Variants in BIRC3 observed in about 807,000 individuals in gnomAD.
The protein encoded by BIRC3 is baculoviral IAP repeat containing 3, also known as baculoviral IAP repeat-containing protein 3.
A neutral mutation model predicts 59.0 loss-of-function variants in BIRC3; 26 were observed. The ratio of observed to expected loss-of-function variants is 0.44; its 90% CI spans 0.32 to 0.61. The LOEUF (loss-of-function observed/expected upper bound fraction) is 0.61. Among genes scored for constraint, BIRC3 ranks in the 20% least tolerant of loss-of-function variants. The pLI is 0.04. For synonymous variants in BIRC3, 243 were observed against 249.2 expected, an observed-to-expected ratio of 0.98 and a Z score of 0.24; for missense variants, 641 against 711.5, an observed-to-expected ratio of 0.90 and a Z score of 1.13.
chr11:102,336,730 A>T, intron 7 of BIRC3, 30 bp from the exon 8 acceptor site: 1 of 1,587,592 alleles, frequency 6.3e-7, no homozygotes, highest in East Asian at 2.2e-5. Context: ...CTTATTTGTC[A>T]TAGTAATGCT....
At position 102,324,357 on chromosome 11, in the gene BIRC3, A is replaced by G. The variant is rs1951060238; in HGVS notation, c.-153A>G. 3 of 778,468 alleles carry G rather than the reference A, an allele frequency of 3.9e-6. No individual in the cohort carries two copies. The highest frequency in any genetic ancestry group is 6.7e-5 in the Admixed American group (2 of 29,932). 48.2% of individuals were successfully genotyped at this position (778,468 alleles called of 1,614,324 possible). Reference sequence around the variant, plus strand: ...TATCAGTATAGGATTTAGAATCTCCATGTTGAAACTCTAAATGCATAGAAA... The same window carrying G: ...TATCAGTATAGGATTTAGAATCTCCGTGTTGAAACTCTAAATGCATAGAAA... On this transcript the variant is annotated 5_prime_UTR_variant, in exon 2 of 9. The change abolishes an upstream ATG in the 5' untranslated region. Transcript: ENST00000263464.
intron 1 of BIRC3, among the ~76,000 whole-genome samples, chr11:102,321,586 C>A (rs565741928): frequency 6.6e-6 from 1 of 152,284 alleles, no homozygotes; most frequent in South Asian, 2.1e-4. Flanking sequence ...AACTCCTGAC[C>A]TCAAGTGATC....
intron 3 of BIRC3, chr11:102,326,867 C>T (rs1436792235): frequency 2.3e-6 from 1 of 427,574 alleles, no homozygotes; most frequent in South Asian, 1.6e-5. Context: ...CGCTAGCATG[C>T]CCAGCTAATT....
chr11:102,333,527 C>G lies in BIRC3; in HGVS notation c.1324+2286C>G, dbSNP rs1335225093. ...GGCTGCAATGAGCTATGATCATATG[C>G]CACTGCATTCCAGCCTGGGCAACAG... On this transcript the variant is annotated intron_variant, in intron 6 of 8. Coordinates refer to ENST00000263464, the MANE Select transcript of BIRC3 (RefSeq NM_001165.5). Among the ~76,000 whole-genome samples, 3 of 151,216 alleles carry G rather than the reference C, an allele frequency of 2.0e-5. No individual in the cohort carries two copies. In the East Asian group the frequency reaches 5.8e-4, roughly 29 times the overall value.
At chr11:102,330,158 G>A (rs1951125239) in intron 5 of BIRC3, among the ~76,000 whole-genome samples, 1 of 152,202 alleles carries the variant, frequency 6.6e-6, no homozygotes, top group South Asian at 2.1e-4. Flanking sequence ...CAAGGGAAGA[G>A]TAGGAGTTAA....
chr11:102,325,720 A>G (rs1951074398), intron 3 of BIRC3, among the ~76,000 whole-genome samples, 155 bp downstream of exon 3: 1 of 152,182 alleles, frequency 6.6e-6, no homozygotes, highest in Non-Finnish European at 1.5e-5. Context: ...TTACTTAAAA[A>G]GTTTCGATGG....
At chr11:102,326,736 C>T (rs1351035152) in intron 3 of BIRC3, 1 of 454,778 alleles carries the variant, frequency 2.2e-6, no homozygotes, top group African/African-American at 2.0e-5. Context: ...GAGATGGAGC[C>T]TGGCTCTGTT....
In BIRC3 at chr11:102,328,062, T is replaced by C. The variant is rs373892386; in HGVS notation, c.964T>C (p.Leu322=). The change falls in exon 4 of 9, where the codon TTG becomes CTG. Residue 322 remains leucine, a synonymous_variant. Transcript: ENST00000263464. ...HAKWFPRCEY[L]IRIKGQEFIR... is the part of the protein sequence containing the mutation. ...TTCTTTACATTTTAGGTGTGAGTAC[T>C]TGATAAGAATTAAAGGACAGGAGTT... 2.5e-6 allele frequency: 4 copies of C among 1,606,734 alleles called. No homozygotes were observed. The highest frequency in any genetic ancestry group is 2.2e-5 in the South Asian group (2 of 89,278).
intron 1 of BIRC3, among the ~76,000 whole-genome samples, chr11:102,321,174 G>A (rs541199100): frequency 6.6e-6 from 1 of 152,204 alleles, no homozygotes; most frequent in Non-Finnish European, 1.5e-5. Context: ...ACTGTAATTA[G>A]GTAAGATGTT....
chr11:102,325,191 C>A lies in BIRC3; in HGVS notation c.682C>A (p.His228Asn), dbSNP rs369162016. Residue 228 changes from histidine to asparagine, a missense_variant, in exon 2 of 9, where the codon CAT becomes AAT. Physicochemically the swap from His to Asn is moderately conservative, Grantham distance 68. This residue lies in a region of BIRC3 where 329 missense variants were observed against 365.6 expected (regional missense o/e 0.90). Coordinates refer to ENST00000263464, the MANE Select transcript of BIRC3 (RefSeq NM_001165.5). ...TAATGCTATGTCAGAACACCTGAGA[C>A]ATTTTCCCAAATGCCCATTTATAGA... ...KDNAMSEHLR[H>N]FPKCPFIENQ... 6.2e-7 allele frequency: 1 copy of A among 1,613,986 alleles called. No homozygotes were observed. Among genetic ancestry groups the A allele is most frequent in the African/African-American group, 1.3e-5 (1 of 74,898 alleles).
intron 4 of BIRC3, 41 bp from the exon 5 acceptor site, chr11:102,328,856 A>ATT: frequency 4.4e-6 from 3 of 687,610 alleles, no homozygotes; most frequent in Non-Finnish European, 5.6e-6. Flanking sequence ...TTCTATTTTA[A>ATT]TTTATATATA....
At chr11:102,327,942 C>A (rs1013608701) in intron 3 of BIRC3, 110 bp from the exon 4 acceptor site, 47 of 769,804 alleles carry the variant, frequency 6.1e-5, no homozygotes, top group Admixed American at 9.8e-5. Context: ...TTGAGGCAAA[C>A]AACCAGATTT....
rs1951231578 is a variant in BIRC3 at position 102,339,292 on chromosome 11, C to CATT, written c.*2193_*2195dup. The CATT allele has an allele frequency of 5.4e-6, 1 of 186,532 alleles. No homozygotes were observed. The highest frequency in any genetic ancestry group is 2.4e-5 in the African/African-American group (1 of 42,548). 11.6% of individuals were successfully genotyped at this position (186,532 alleles called of 1,614,324 possible). A position where few individuals can be genotyped will look rare whatever the true frequency, so the allele number is the denominator to read the frequency against. On this transcript the variant is annotated 3_prime_UTR_variant, in exon 9 of 9. Transcript: ENST00000263464. Reference sequence around the variant, plus strand: ...CACTGTAAAACTTTTGTTCATTTCTCATTATGGTAATAAATAGCTATTATA... The same window carrying CATT: ...CACTGTAAAACTTTTGTTCATTTCTCATTATTATGGTAATAAATAGCTATTATA...
In BIRC3 at chr11:102,323,511, A is replaced by G. The variant is rs1161466801; in HGVS notation, c.-999A>G. The G allele has an allele frequency of 1.1e-5, 2 of 186,704 alleles. No homozygotes were observed. Among genetic ancestry groups the G allele is most frequent in the East Asian group, 1.7e-4 (2 of 11,546 alleles). 11.6% of individuals were successfully genotyped at this position (186,704 alleles called of 1,614,324 possible). On this transcript the variant is annotated 5_prime_UTR_variant, in exon 2 of 9. Coordinates refer to ENST00000263464, the MANE Select transcript of BIRC3 (RefSeq NM_001165.5). ...AAAGACCAAATGAACAAACACATTA[A>G]TCTCTGATTATTTATTTTAAATAGA...
At chr11:102,331,532 CA>C (rs1320823660) in intron 6 of BIRC3, among the ~76,000 whole-genome samples, 3 of 151,718 alleles carry the variant, frequency 2.0e-5, no homozygotes, top group Non-Finnish European at 4.4e-5. Flanking sequence ...ATTCATGGCA[CA>C]TTTTTTTTTT....
At chr11:102,333,452 T>G (rs900609592) in intron 6 of BIRC3, among the ~76,000 whole-genome samples, 1 of 151,518 alleles carries the variant, frequency 6.6e-6, no homozygotes, top group East Asian at 1.9e-4. Flanking sequence ...TAGTCCCAGC[T>G]CTACTCAGGA....
chr11:102,319,901 T>C (rs1292474317), intron 1 of BIRC3: 2 of 152,242 alleles, frequency 1.3e-5, no homozygotes, highest in South Asian at 2.1e-4. Flanking sequence ...TCCACAAATA[T>C]ATGCCTTGCT....
chr11:102,326,805 T>G (rs1219241640), intron 3 of BIRC3: 2 of 454,348 alleles, frequency 4.4e-6, no homozygotes, highest in Non-Finnish European at 8.8e-6. Flanking sequence ...CCTCTTGGGT[T>G]CAGGCAATTC....
chr11:102,327,444 C>G lies in BIRC3; in HGVS notation c.954-608C>G, dbSNP rs565929924. 1.4e-4 allele frequency among the ~76,000 whole-genome samples: 22 copies of G among 151,998 alleles called. No individual in the cohort carries two copies. The South Asian group carries it at 1.9e-3, about 13-fold the overall frequency. On this transcript the variant is annotated intron_variant, in intron 3 of 8. Coordinates refer to ENST00000263464, the MANE Select transcript of BIRC3 (RefSeq NM_001165.5). The stretch of plus-strand genomic sequence containing the variant: ...TCACTTGAGGTCAGGAGTTCGAGAC[C>G]AGTATGGCAACATGGTAAAGCCCCA...
Sources: allele counts gnomAD v4.1 joint callset (sites outside exome capture counted in the v4.1 genomes callset), GRCh38; gene constraint gnomAD v4.1.1; regional missense constraint gnomAD v4.1.1; transcripts MANE v1.5; gene names NCBI Gene and HGNC (gene_info 2026-07-23, HGNC 2026-07-21).